TUBB1: variants seen among roughly 807,000 people sequenced by gnomAD.
TUBB1 encodes the protein tubulin beta-1 chain.
Under a neutral mutation model 22.6 loss-of-function variants are expected in TUBB1, and 28 were observed. That is an observed-to-expected ratio of 1.24 (90% CI 0.92 to 1.70). The LOEUF (loss-of-function observed/expected upper bound fraction) is 1.70, where lower values mean the gene tolerates loss of function less well. Ranked by LOEUF, TUBB1 falls within the 40% of genes most tolerant of loss-of-function variation. The pLI is 0.00. For missense variants in TUBB1, 577 were observed against 605.5 expected (o/e 0.95, Z 0.49); for synonymous variants, 226 against 238.0 (o/e 0.95, Z 0.46).
chr20:59,025,187 G>T lies in TUBB1; in HGVS notation c.*404G>T. 1 of 295,068 alleles carries T rather than the reference G, an allele frequency of 3.4e-6. No individual in the cohort carries two copies. The highest frequency in any genetic ancestry group is 6.6e-6 in the Non-Finnish European group (1 of 150,502). The allele number at this position is 295,068 out of a possible 1,614,324, so 18.3% of individuals were successfully genotyped here. A position where few individuals can be genotyped will look rare whatever the true frequency, so the allele number is the denominator to read the frequency against. On this transcript the variant is annotated 3_prime_UTR_variant, in exon 4 of 4. Coordinates refer to ENST00000217133, the MANE Select transcript of TUBB1 (RefSeq NM_030773.4). Reference sequence around the variant, plus strand: ...CTGGAATCCTCACTTGGTATCCGAGGGCTACTAAGACTCTTTCCTTAGGTT... The same window carrying T: ...CTGGAATCCTCACTTGGTATCCGAGTGCTACTAAGACTCTTTCCTTAGGTT...
chr20:59,023,081 C>A, intron 2 of TUBB1, 128 bp downstream of exon 2: 1 of 891,416 alleles, frequency 1.1e-6, no homozygotes, highest in Non-Finnish European at 1.8e-6. Context: ...ACAGGCAGGG[C>A]AGCAGGATCC....
At chr20:59,022,639 G>C (rs953609759) in intron 1 of TUBB1, among the ~76,000 whole-genome samples, 10 of 152,158 alleles carry the variant, frequency 6.6e-5, no homozygotes, top group Non-Finnish European at 1.3e-4. Context: ...CAGGTGGGGA[G>C]AAAATGCAAT....
intron 1 of TUBB1, among the ~76,000 whole-genome samples, chr20:59,022,064 C>T (rs1415466131): frequency 2.0e-5 from 3 of 152,098 alleles, no homozygotes; most frequent in African/African-American, 7.2e-5. Flanking sequence ...AGGCCGGGTG[C>T]TGTGGCTCAT....
At chr20:59,022,977 G>A (rs772250972) in intron 2 of TUBB1, 24 bp downstream of exon 2, 9 of 1,593,680 alleles carry the variant, frequency 5.6e-6, no homozygotes, top group South Asian at 1.1e-5. Context: ...GGCTCTGGGA[G>A]CAGTGGTCCC....
Position 59,024,001 on chromosome 20 carries a change from C to A in TUBB1, c.574C>A (p.Leu192Met), listed in dbSNP as rs2091980702. 3 of 1,614,202 alleles carry A rather than the reference C, an allele frequency of 1.9e-6. No individual in the cohort carries two copies. Among genetic ancestry groups the A allele is most frequent in the Middle Eastern group, 1.6e-4 (1 of 6,062 alleles). Residue 192 changes from leucine to methionine, a missense_variant, in exon 4 of 4, where the codon CTG becomes ATG. Leu to Met is a conservative substitution (Grantham distance 15, BLOSUM62 2). Transcript: ENST00000217133. This position sits in a 1 kb window ranked among gnomAD's most constrained non-coding sequence, Gnocchi z 4.9. ...PYNAVLSIHQ[L>M]IENADACFCI... Reference sequence around the variant, plus strand: ...CAACGCGGTTCTGTCTATCCACCAGCTGATTGAGAATGCAGATGCCTGTTT... The same window carrying A: ...CAACGCGGTTCTGTCTATCCACCAGATGATTGAGAATGCAGATGCCTGTTT...
chr20:59,017,140 G>A (rs1235312297), upstream of TUBB1, among the ~76,000 whole-genome samples: 1 of 152,118 alleles, frequency 6.6e-6, no homozygotes, highest in Non-Finnish European at 1.5e-5. Context: ...GGGATCTCCT[G>A]GAAACAAGGA....
chr20:59,024,270 C>A lies in TUBB1; in HGVS notation c.843C>A (p.Tyr281Ter). ...APLTAQGSQQ[Y>*]RALSVAELTQ... Reference sequence around the variant, plus strand: ...TCACGGCCCAGGGCAGCCAGCAGTACCGAGCCCTCTCCGTGGCCGAGCTCA... The same window carrying A: ...TCACGGCCCAGGGCAGCCAGCAGTAACGAGCCCTCTCCGTGGCCGAGCTCA... The change falls in exon 4 of 4, where the codon TAC (tyrosine) becomes TAA (stop). Residue 281 changes from tyrosine to a stop codon, truncating the protein, a stop_gained. Coordinates refer to ENST00000217133, the MANE Select transcript of TUBB1 (RefSeq NM_030773.4). LOFTEE classifies it high-confidence loss of function. This position sits in a 1 kb window ranked among gnomAD's most constrained non-coding sequence, Gnocchi z 4.9. The A allele has an allele frequency of 6.2e-7, 1 of 1,614,056 alleles. No individual in the cohort carries two copies. The highest frequency in any genetic ancestry group is 2.2e-5 in the East Asian group (1 of 44,886).
At chr20:59,018,981 G>A (rs560564425), upstream of TUBB1, among the ~76,000 whole-genome samples, 4 of 152,324 alleles carry the variant, frequency 2.6e-5, no homozygotes, top group African/African-American at 4.8e-5. Flanking sequence ...AGGCCATCCC[G>A]GGACCTGGGA....
chr20:59,024,122 C>T lies in TUBB1; in HGVS notation c.695C>T (p.Thr232Ile). 4 of 1,614,232 alleles carry T rather than the reference C, an allele frequency of 2.5e-6. No individual in the cohort carries two copies. The South Asian group carries it at 4.4e-5, about 18-fold the overall frequency. Residue 232 changes from threonine (T) to isoleucine (I), a missense_variant, in exon 4 of 4, where the codon ACC becomes ATC. Coordinates refer to ENST00000217133, the MANE Select transcript of TUBB1 (RefSeq NM_030773.4). The surrounding 1 kb of genome is among the most constrained non-coding windows in gnomAD (Gnocchi z 4.9). ...GATCTCAACCACCTAGTGTCCTTGA[C>T]CATGAGCGGCATAACCACCTCCCTC... ...YGDLNHLVSL[T>I]MSGITTSLRF...
At chr20:59,018,926 C>T (rs1390457143), upstream of TUBB1, among the ~76,000 whole-genome samples, 3 of 152,124 alleles carry the variant, frequency 2.0e-5, no homozygotes, top group Non-Finnish European at 4.4e-5. Context: ...GCATACAGGG[C>T]GAGAGAGGGC....
At chr20:59,022,593 T>G (rs140003199) in intron 1 of TUBB1, among the ~76,000 whole-genome samples, 1 of 152,158 alleles carries the variant, frequency 6.6e-6, no homozygotes. Flanking sequence ...AAAATCCAAT[T>G]TAGTACTTTG....
chr20:59,022,381 G>C (rs1487424945), intron 1 of TUBB1, among the ~76,000 whole-genome samples: 1 of 150,936 alleles, frequency 6.6e-6, no homozygotes, highest in Non-Finnish European at 1.5e-5. Context: ...GTTATGGGCT[G>C]TTTGGAAAAG....
chr20:59,019,345 G>A (rs746215921), upstream of TUBB1: 59 of 686,506 alleles, frequency 8.6e-5, no homozygotes, highest in Non-Finnish European at 1.3e-4. Context: ...GGCTGAGGGC[G>A]GGGAGCTGGG....
In TUBB1 at chr20:59,024,019, G is replaced by A. The variant is rs147034202; in HGVS notation, c.592G>A (p.Ala198Thr). The A allele has an allele frequency of 4.3e-5, 69 of 1,614,212 alleles. No homozygotes were observed. The African/African-American group carries it at 7.2e-4, about 17-fold the overall frequency. The part of the protein sequence containing the change: ...SIHQLIENAD[A>T]CFCIDNEALY... ...CCACCAGCTGATTGAGAATGCAGAT[G>A]CCTGTTTCTGCATTGACAATGAGGC... Residue 198 changes from alanine (A) to threonine (T), a missense_variant, in exon 4 of 4, where the codon GCC becomes ACC. By Grantham distance (58) the Ala-to-Thr change is moderately conservative. Coordinates refer to ENST00000217133, the MANE Select transcript of TUBB1 (RefSeq NM_030773.4). The surrounding 1 kb of genome is among the most constrained non-coding windows in gnomAD (Gnocchi z 4.9).
Position 59,024,198 on chromosome 20 carries a change from G to A in TUBB1, c.771G>A (p.Met257Ile). The A allele has an allele frequency of 6.2e-7, 1 of 1,614,160 alleles. No individual in the cohort carries two copies. The highest frequency in any genetic ancestry group is 8.5e-7 in the Non-Finnish European group (1 of 1,180,034). The change falls in exon 4 of 4, where the codon ATG becomes ATA. Residue 257 changes from methionine to isoleucine, a missense_variant. Met to Ile is a conservative substitution (Grantham distance 10). Transcript: ENST00000217133. This position sits in a 1 kb window ranked among gnomAD's most constrained non-coding sequence, Gnocchi z 4.9. ...ACCTGCGCAAGCTGGCGGTGAACAT[G>A]GTCCCCTTCCCCCGCCTGCACTTCT... ...NADLRKLAVNMVPFPRLHFFM... is the reference protein window; with the variant it reads ...NADLRKLAVNIVPFPRLHFFM...
rs150551805 is a variant in TUBB1 at position 59,023,585 on chromosome 20, G to A, written c.262G>A (p.Asp88Asn). Residue 88 changes from aspartate (D) to asparagine (N), a missense_variant, in exon 3 of 4, where the codon GAC (aspartate) becomes AAC (asparagine). Transcript: ENST00000217133. Reference sequence around the variant, plus strand: ...CAAATTAGGAGCTCTCTTTCAACCCGACAGTTTTGTCCATGGTATGTTTTT... The same window carrying A: ...CAAATTAGGAGCTCTCTTTCAACCCAACAGTTTTGTCCATGGTATGTTTTT... Reference protein sequence around the residue: ...SSKLGALFQPDSFVHGNSGAG... With the variant: ...SSKLGALFQPNSFVHGNSGAG... The A allele has an allele frequency of 1.0e-4, 162 of 1,614,024 alleles. No individual in the cohort carries two copies. The highest frequency in any genetic ancestry group is 1.2e-4 in the Non-Finnish European group (143 of 1,180,034).
intron 1 of TUBB1, among the ~76,000 whole-genome samples, chr20:59,021,396 C>A (rs946751046): frequency 6.6e-6 from 1 of 152,194 alleles, no homozygotes; most frequent in African/African-American, 2.4e-5. Context: ...TGGCAGTTTA[C>A]CATGAACTGC....
upstream of TUBB1, among the ~76,000 whole-genome samples, chr20:59,017,265 T>C (rs143122294): frequency 7.3e-3 from 1,111 of 152,242 alleles, 11 homozygotes; most frequent in Middle Eastern, 0.037. Context: ...CCTCATACCA[T>C]CCTCTATAGC....
At chr20:59,022,316 C>CAAA (rs10590022) in intron 1 of TUBB1, among the ~76,000 whole-genome samples, 2 of 104,380 alleles carry the variant, frequency 1.9e-5, no homozygotes, top group South Asian at 6.1e-4. Flanking sequence ...AAGACTCCAT[C>CAAA]AAAAAAAAAA....
Sources: allele counts gnomAD v4.1 joint callset (sites outside exome capture counted in the v4.1 genomes callset), GRCh38; gene constraint gnomAD v4.1.1; non-coding constraint Gnocchi (gnomAD v3.1); transcripts MANE v1.5; gene names NCBI Gene and HGNC (gene_info 2026-07-23, HGNC 2026-07-21).